USP12: variants seen among roughly 807,000 people sequenced by gnomAD.
The protein encoded by USP12 is ubiquitin specific peptidase 12.
In USP12, 19 loss-of-function variants were observed where a neutral mutation model predicts 45.5. That is an observed-to-expected ratio of 0.42 (90% CI 0.29 to 0.61). USP12 has a LOEUF of 0.61. Ranked by LOEUF, USP12 falls within the 20% of genes least tolerant of loss-of-function variation. USP12 has a pLI of 0.22. For missense variants in USP12, 242 were observed against 447.7 expected (o/e 0.54, Z 4.15); for synonymous variants, 149 against 148.8 (o/e 1.00, Z -0.01).
chr13:27,071,102 A>C lies in USP12; in HGVS notation c.980T>G (p.Phe327Cys). 2 of 1,609,848 alleles carry C rather than the reference A, an allele frequency of 1.2e-6. No homozygotes were observed. Among genetic ancestry groups the C allele is most frequent in the Non-Finnish European group, 1.7e-6 (2 of 1,178,952 alleles). The change falls in exon 8 of 9, where the codon TTT (phenylalanine) becomes TGT (cysteine). Residue 327 changes from phenylalanine (F) to cysteine (C), a missense_variant. Transcript: ENST00000282344. ...AATGTCGTCATCAAACAACAACCAA[A>C]AATCATGACTCTTAACTATTGCAAT... ...HYIAIVKSHD[F>C]WLLFDDDIVE...
chr13:27,123,146 A>G (rs1325616633), intron 1 of USP12, among the ~76,000 whole-genome samples: 1 of 152,160 alleles, frequency 6.6e-6, no homozygotes, highest in Non-Finnish European at 1.5e-5. Context: ...TGGATTCATT[A>G]CAGAACTGCT....
chr13:27,132,637 T>C (rs1876559391), intron 1 of USP12, among the ~76,000 whole-genome samples: 1 of 152,282 alleles, frequency 6.6e-6, no homozygotes, highest in South Asian at 2.1e-4. Context: ...TTTGCGTAGG[T>C]CTGGCTGTCC....
In USP12 at chr13:27,083,222, G is replaced by A. The variant is rs1011250884; in HGVS notation, c.734+6661C>T. On this transcript the variant is annotated intron_variant, in intron 6 of 8. Transcript: ENST00000282344. Reference sequence around the variant, plus strand: ...CAACGATAACTGATCATGTATCACCGTAACAATATAATAATGAAAAAGTTT... The same window carrying A: ...CAACGATAACTGATCATGTATCACCATAACAATATAATAATGAAAAAGTTT... Among the ~76,000 whole-genome samples, 18 of 152,132 alleles carry A rather than the reference G, an allele frequency of 1.2e-4. No homozygotes were observed. In the South Asian group the frequency reaches 1.7e-3, roughly 14 times the overall value.
chr13:27,096,440 C>T (rs919174658), intron 3 of USP12, among the ~76,000 whole-genome samples: 4 of 152,174 alleles, frequency 2.6e-5, no homozygotes, highest in East Asian at 1.9e-4. Flanking sequence ...TTCCACAAAA[C>T]GTTCCCTGCA....
chr13:27,082,781 G>A (rs1411640629), intron 6 of USP12, among the ~76,000 whole-genome samples: 1 of 152,198 alleles, frequency 6.6e-6, no homozygotes, highest in African/African-American at 2.4e-5. Flanking sequence ...GAGAGAGGTA[G>A]GAGGGGGAAA....
At chr13:27,154,131 G>A (rs1220234608) in intron 1 of USP12, among the ~76,000 whole-genome samples, 2 of 152,102 alleles carry the variant, frequency 1.3e-5, no homozygotes, top group African/African-American at 4.8e-5. Context: ...TTCTTCCTTA[G>A]GAAGCACACA....
intron 1 of USP12, among the ~76,000 whole-genome samples, chr13:27,149,665 A>G (rs1037348282): frequency 3.3e-5 from 5 of 152,202 alleles, no homozygotes; most frequent in African/African-American, 1.2e-4. Context: ...TAATGAATAC[A>G]AAATTACAGC....
At chr13:27,078,297 T>C (rs1262043194) in intron 6 of USP12, among the ~76,000 whole-genome samples, 1 of 152,178 alleles carries the variant, frequency 6.6e-6, no homozygotes, top group African/African-American at 2.4e-5. Flanking sequence ...CCATTTACAT[T>C]GTATTAGGTA....
chr13:27,103,607 A>AAAAAATAATAATAAT (rs372985958), intron 3 of USP12, among the ~76,000 whole-genome samples: 2 of 128,520 alleles, frequency 1.6e-5, no homozygotes, highest in African/African-American at 5.9e-5. Flanking sequence ...TCAAAAAAAA[A>AAAAAATAATAATAAT]AATAATAATA....
At chr13:27,118,563 A>G (rs2137799251) in intron 1 of USP12, among the ~76,000 whole-genome samples, 1 of 152,316 alleles carries the variant, frequency 6.6e-6, no homozygotes, top group South Asian at 2.1e-4. Flanking sequence ...GTACTTTGTC[A>G]CAGAAGTCCC....
At chr13:27,101,568 T>A (rs1035440376) in intron 3 of USP12, among the ~76,000 whole-genome samples, 4 of 152,186 alleles carry the variant, frequency 2.6e-5, no homozygotes, top group African/African-American at 4.8e-5. Flanking sequence ...GAACTGACAG[T>A]CTAGTGGGAG....
chr13:27,088,075 A>G (rs1237130932), intron 6 of USP12, among the ~76,000 whole-genome samples: 1 of 152,242 alleles, frequency 6.6e-6, no homozygotes, highest in Admixed American at 6.5e-5. Context: ...AGCCAAGAAC[A>G]GTAATGGGAG....
chr13:27,114,427 T>A (rs541858361), intron 2 of USP12, among the ~76,000 whole-genome samples: 1 of 152,326 alleles, frequency 6.6e-6, no homozygotes, highest in South Asian at 2.1e-4. Context: ...TGGGATACTT[T>A]ACAGCAAAAG....
Position 27,155,866 on chromosome 13 carries a change from G to A in USP12, c.48+15726C>T, listed in dbSNP as rs562624028. Among the ~76,000 whole-genome samples the A allele has an allele frequency of 1.4e-4, 22 of 152,010 alleles. 1 individual carries two copies. The highest frequency in any genetic ancestry group is 5.3e-4 in the African/African-American group (22 of 41,438). On this transcript the variant is annotated intron_variant, in intron 1 of 8. Coordinates refer to ENST00000282344, the MANE Select transcript of USP12 (RefSeq NM_182488.4). ...TAGCCTGCCTAAATGTATGACTTTCGGAATACAACTATGAAAATATTCTGA... is the reference window on the plus strand; with the variant it reads ...TAGCCTGCCTAAATGTATGACTTTCAGAATACAACTATGAAAATATTCTGA...
intron 1 of USP12, among the ~76,000 whole-genome samples, chr13:27,165,018 A>G (rs1410949095): frequency 1.3e-5 from 2 of 151,710 alleles, no homozygotes; most frequent in African/African-American, 4.8e-5. Flanking sequence ...ACTTGAATGC[A>G]CACACCTTGT....
At chr13:27,074,788 T>C (rs1290211650) in intron 7 of USP12, among the ~76,000 whole-genome samples, 1 of 152,164 alleles carries the variant, frequency 6.6e-6, no homozygotes, top group African/African-American at 2.4e-5. Context: ...AAAAAATGAA[T>C]CTTTGAAGAT....
At chr13:27,087,323 G>A (rs2137767844) in intron 6 of USP12, among the ~76,000 whole-genome samples, 1 of 152,220 alleles carries the variant, frequency 6.6e-6, no homozygotes, top group Non-Finnish European at 1.5e-5. Context: ...GGGGCAGGAA[G>A]GCAGAGAGAA....
chr13:27,115,359 A>G (rs1400921800), intron 2 of USP12, among the ~76,000 whole-genome samples: 2 of 152,164 alleles, frequency 1.3e-5, no homozygotes, highest in Non-Finnish European at 2.9e-5. Context: ...ATTCTTTGTT[A>G]TAGGTTTTAT....
chr13:27,080,472 T>C (rs1271294138), intron 6 of USP12, among the ~76,000 whole-genome samples: 1 of 152,156 alleles, frequency 6.6e-6, no homozygotes, highest in Non-Finnish European at 1.5e-5. Flanking sequence ...CATGACAATG[T>C]GATGCTGAGT....
Sources: allele counts gnomAD v4.1 joint callset (sites outside exome capture counted in the v4.1 genomes callset), GRCh38; gene constraint gnomAD v4.1.1; transcripts MANE v1.5; gene names NCBI Gene and HGNC (gene_info 2026-07-23, HGNC 2026-07-21).